AGPAT4: variants seen among roughly 807,000 people sequenced by gnomAD.
AGPAT4 encodes the protein 1-acyl-sn-glycerol-3-phosphate acyltransferase delta.
Under a neutral mutation model 48.0 loss-of-function variants are expected in AGPAT4, and 15 were observed. The ratio of observed to expected loss-of-function variants is 0.31; its 90% CI spans 0.21 to 0.48. The LOEUF is 0.48. AGPAT4 is among the 20% of genes least tolerant of loss of function. AGPAT4 has a pLI of 0.99. For synonymous variants in AGPAT4, 178 were observed against 198.7 expected, an observed-to-expected ratio of 0.90 and a Z score of 0.88; for missense variants, 314 against 482.5, an observed-to-expected ratio of 0.65 and a Z score of 3.27.
intron 1 of AGPAT4, among the ~76,000 whole-genome samples, chr6:161,263,307 T>C (rs1186179195): frequency 6.6e-6 from 1 of 152,196 alleles, no homozygotes; most frequent in African/African-American, 2.4e-5. Context: ...CTGGCCAACA[T>C]GGTGAAACCC....
At chr6:161,256,366 T>A (rs375110831) in intron 1 of AGPAT4, among the ~76,000 whole-genome samples, 13 of 152,160 alleles carry the variant, frequency 8.5e-5, no homozygotes, top group Middle Eastern at 3.2e-3. Flanking sequence ...GTGCCTAAGA[T>A]TGGGGAAAAG....
chr6:161,199,885 T>G (rs576000509), intron 2 of AGPAT4, among the ~76,000 whole-genome samples: 1 of 152,180 alleles, frequency 6.6e-6, no homozygotes, highest in Non-Finnish European at 1.5e-5. Flanking sequence ...CAGTCTCAGG[T>G]AGCTCTTCAT....
rs1337356455 is a variant in AGPAT4, at chr6:161,171,864, C to T, written c.179-5447G>A. ...GCAGTGAGCCAAGATCGCACCACTG[C>T]ACTCCAGCCTGGGTGACAGAGCAAG... On this transcript the variant is annotated intron_variant, in intron 2 of 8. Coordinates refer to ENST00000320285, the MANE Select transcript of AGPAT4 (RefSeq NM_020133.3). The surrounding 1 kb of genome is among the most constrained non-coding windows in gnomAD (Gnocchi z 4.4). 6.6e-6 allele frequency among the ~76,000 whole-genome samples: 1 copy of T among 152,164 alleles called. No individual in the cohort carries two copies. Among genetic ancestry groups the T allele is most frequent in the African/African-American group, 2.4e-5 (1 of 41,426 alleles).
chr6:161,230,558 C>T (rs1054537149), intron 2 of AGPAT4, among the ~76,000 whole-genome samples: 1 of 152,208 alleles, frequency 6.6e-6, no homozygotes, highest in African/African-American at 2.4e-5. Flanking sequence ...TCTCTTCAAA[C>T]AGCTACAGTT....
At chr6:161,250,721 G>C (rs975020998) in intron 1 of AGPAT4, among the ~76,000 whole-genome samples, 1 of 151,956 alleles carries the variant, frequency 6.6e-6, no homozygotes, top group Admixed American at 6.6e-5. Context: ...CAAAATATTT[G>C]TAGCTGTTTA....
intron 3 of AGPAT4, among the ~76,000 whole-genome samples, chr6:161,156,457 C>T (rs2114969209): frequency 1.3e-5 from 2 of 152,334 alleles, no homozygotes; most frequent in South Asian, 4.1e-4. Flanking sequence ...TTTAGAGCCA[C>T]TAATTAGAGC....
chr6:161,152,568 G>A (rs1163428790), intron 5 of AGPAT4, among the ~76,000 whole-genome samples: 1 of 152,138 alleles, frequency 6.6e-6, no homozygotes, highest in Non-Finnish European at 1.5e-5. Context: ...CAGGCCTGGG[G>A]AGGAGTTCGG....
rs186175758 is a variant in AGPAT4 at position 161,192,998 on chromosome 6, G to A, written c.179-26581C>T. ...CACAATTTCACTATGATGCATCTAC[G>A]TGTGACTGGATTTTTCTTTTATTTT... On this transcript the variant is annotated intron_variant, in intron 2 of 8. Transcript: ENST00000320285. 6.6e-5 allele frequency among the ~76,000 whole-genome samples: 10 copies of A among 152,208 alleles called. No homozygotes were observed. In the East Asian group the frequency reaches 7.7e-4, roughly 12 times the overall value.
Position 161,221,313 on chromosome 6 carries a change from T to A in AGPAT4, c.178+10723A>T, listed in dbSNP as rs1583342708. Among the ~76,000 whole-genome samples, 1 of 152,120 alleles carries A rather than the reference T, an allele frequency of 6.6e-6. No homozygotes were observed. The highest frequency in any genetic ancestry group is 1.5e-5 in the Non-Finnish European group (1 of 68,028). ...TTGTCACCTTCCTCCACGTCCAATG[T>A]CACCAGCCAGCCGCACTTTACTCCT... On this transcript the variant is annotated intron_variant, in intron 2 of 8. Coordinates refer to ENST00000320285, the MANE Select transcript of AGPAT4 (RefSeq NM_020133.3). The surrounding 1 kb of genome is among the most constrained non-coding windows in gnomAD (Gnocchi z 4.5).
At chr6:161,252,347 A>G (rs190471100) in intron 1 of AGPAT4, among the ~76,000 whole-genome samples, 89 of 152,352 alleles carry the variant, frequency 5.8e-4, no homozygotes, top group African/African-American at 2.0e-3. Context: ...ATTCCTTCAT[A>G]AACTAGATGA....
rs770606306 is a variant in AGPAT4, at chr6:161,232,079, G to C, written c.135C>G (p.Leu45=). The change falls in exon 2 of 9, where the codon CTC becomes CTG. Residue 45 remains leucine, a synonymous_variant. Coordinates refer to ENST00000320285, the MANE Select transcript of AGPAT4 (RefSeq NM_020133.3). This position sits in a 1 kb window ranked among gnomAD's most constrained non-coding sequence, Gnocchi z 6.8. ...ACAGTCTGCAGTTGATCTTCCGGAA[G>C]AGCTGCTTGTTAATGGGCCAGAGGA... The part of the protein sequence containing the change: ...TLLLWPINKQ[L]FRKINCRLSY... 6.2e-7 allele frequency: 1 copy of C among 1,614,138 alleles called. No individual in the cohort carries two copies. Among genetic ancestry groups the C allele is most frequent in the South Asian group, 1.1e-5 (1 of 91,078 alleles).
chr6:161,173,664 T>C (rs942711375), intron 2 of AGPAT4, among the ~76,000 whole-genome samples: 3 of 152,368 alleles, frequency 2.0e-5, no homozygotes, highest in African/African-American at 7.2e-5. Context: ...ATCCCATTTG[T>C]CAATTTTGGC....
At position 161,231,435 on chromosome 6, in the gene AGPAT4, T is replaced by C. The variant is rs192177863; in HGVS notation, c.178+601A>G. ...AATAGGAGTAGGGTTGTGGATTGTA[T>C]CAATGTCAATTTTCTCATTGGAATA... On this transcript the variant is annotated intron_variant, in intron 2 of 8. Transcript: ENST00000320285. The surrounding 1 kb of genome is among the most constrained non-coding windows in gnomAD (Gnocchi z 5.3). Among the ~76,000 whole-genome samples the C allele has an allele frequency of 2.3e-3, 350 of 150,834 alleles. 3 individuals carry two copies. The highest frequency in any genetic ancestry group is 5.3e-3 in the Admixed American group (81 of 15,258).
rs1779189845 is a variant in AGPAT4, at chr6:161,139,748, T to C, written c.844-128A>G. On this transcript the variant is annotated intron_variant, in intron 7 of 8. Coordinates refer to ENST00000320285, the MANE Select transcript of AGPAT4 (RefSeq NM_020133.3). The surrounding 1 kb of genome is among the most constrained non-coding windows in gnomAD (Gnocchi z 9.1). ...ACCGGGGCTCGGCAGAACTGGGGTC[T>C]GCAGCTCCTTCCAGAAAGCACTTTG... 3 of 751,678 alleles carry C rather than the reference T, an allele frequency of 4.0e-6. No individual in the cohort carries two copies. The highest frequency in any genetic ancestry group is 6.4e-6 in the Non-Finnish European group (3 of 469,866). The allele number at this position is 751,678 out of a possible 1,614,324, so 46.6% of individuals were successfully genotyped here.
In AGPAT4 at chr6:161,264,855, G is replaced by T. The variant is rs1783205640; in HGVS notation, c.-90+9083C>A. Among the ~76,000 whole-genome samples the T allele has an allele frequency of 6.6e-6, 1 of 152,056 alleles. No individual in the cohort carries two copies. The highest frequency in any genetic ancestry group is 2.1e-4 in the South Asian group (1 of 4,822). ...ACACAGCAGTTATGGAACCCCTAGG[G>T]TCACCCAGGACTAGTTATGGGACCC... On this transcript the variant is annotated intron_variant, in intron 1 of 8. Transcript: ENST00000320285. The surrounding 1 kb of genome is among the most constrained non-coding windows in gnomAD (Gnocchi z 6.8).
Position 161,132,339 on chromosome 6 carries a change from G to A in AGPAT4, c.*4201C>T, listed in dbSNP as rs997653784. The A allele has an allele frequency of 2.0e-5, 3 of 152,270 alleles. No homozygotes were observed. Among genetic ancestry groups the A allele is most frequent in the Non-Finnish European group, 2.9e-5 (2 of 68,088 alleles). The allele number at this position is 152,270 out of a possible 1,614,324, so 9.4% of individuals were successfully genotyped here. Reference sequence around the variant, plus strand: ...AGATGGGGAAAAATCCAGAAAAGGGGGATTTTCAGCAGCTGGCTTGAAGCC... The same window carrying A: ...AGATGGGGAAAAATCCAGAAAAGGGAGATTTTCAGCAGCTGGCTTGAAGCC... On this transcript the variant is annotated 3_prime_UTR_variant, in exon 9 of 9. Coordinates refer to ENST00000320285, the MANE Select transcript of AGPAT4 (RefSeq NM_020133.3).
rs928612655 is a variant in AGPAT4, at chr6:161,225,367, C to A, written c.178+6669G>T. Among the ~76,000 whole-genome samples the A allele has an allele frequency of 2.0e-5, 3 of 152,224 alleles. No individual in the cohort carries two copies. Among genetic ancestry groups the A allele is most frequent in the Admixed American group, 1.3e-4 (2 of 15,280 alleles). On this transcript the variant is annotated intron_variant, in intron 2 of 8. Transcript: ENST00000320285. This position sits in a 1 kb window ranked among gnomAD's most constrained non-coding sequence, Gnocchi z 5.0. ...TGGGCTTCAGGGATAAGAACCCCTT[C>A]CCCTCTCTTGTCCAAGTGTGCACTC... is the stretch of plus-strand genomic sequence containing the variant.
chr6:161,153,968 CGGTCACACACGGCCCCAT>C (rs1779683903), intron 4 of AGPAT4, 163 bp downstream of exon 4: 2 of 787,420 alleles, frequency 2.5e-6, no homozygotes, highest in Non-Finnish European at 2.0e-6. Context: ...CGTGGCCCCA[CGGTCACACACGGCCCCAT>C]GGTCACATAC....
chr6:161,154,914 G>T lies in AGPAT4; in HGVS notation c.349-604C>A, dbSNP rs559843477. 6.6e-6 allele frequency among the ~76,000 whole-genome samples: 1 copy of T among 152,318 alleles called. No homozygotes were observed. Among genetic ancestry groups the T allele is most frequent in the Non-Finnish European group, 1.5e-5 (1 of 68,038 alleles). On this transcript the variant is annotated intron_variant, in intron 3 of 8. Transcript: ENST00000320285. This position sits in a 1 kb window ranked among gnomAD's most constrained non-coding sequence, Gnocchi z 7.8. ...CTGAGCTCTGCAGTTGAGGCAAACA[G>T]GAGTCTCCGCTCACAGAGCAGGCTG...
Sources: allele counts gnomAD v4.1 joint callset (sites outside exome capture counted in the v4.1 genomes callset), GRCh38; gene constraint gnomAD v4.1.1; non-coding constraint Gnocchi (gnomAD v3.1); transcripts MANE v1.5; gene names NCBI Gene and HGNC (gene_info 2026-07-23, HGNC 2026-07-21).